The following ATP8A2 variants were observed in gnomAD, a reference collection of about 807,000 sequenced individuals.
ATP8A2 encodes phospholipid-transporting ATPase IB.
In ATP8A2, 100 loss-of-function variants were observed where a neutral mutation model predicts 165.6. The ratio of observed to expected loss-of-function variants is 0.60; its 90% CI spans 0.51 to 0.71. The LOEUF (loss-of-function observed/expected upper bound fraction) is 0.71, where lower values mean the gene tolerates loss of function less well. ATP8A2 is among the 30% of genes least tolerant of loss of function. The pLI, the probability that ATP8A2 is intolerant of heterozygous loss-of-function variation, is 0.00. For missense variants in ATP8A2, 1,227 were observed against 1,479.5 expected (o/e 0.83, Z 2.80); for synonymous variants, 543 against 548.8 (o/e 0.99, Z 0.15).
rs952663926 is a variant in ATP8A2, at chr13:25,372,750, G to T, written c.76+462G>T. Among the ~76,000 whole-genome samples the T allele has an allele frequency of 2.0e-5, 3 of 152,208 alleles. No homozygotes were observed. The highest frequency in any genetic ancestry group is 7.2e-5 in the African/African-American group (3 of 41,454). ...AAAGCAGAGGGGGAAAAAGGCATCC[G>T]AAGGGTCCCTCGAGTGATTCTCACC... is the stretch of plus-strand genomic sequence containing the variant. On this transcript the variant is annotated intron_variant, in intron 1 of 36. Transcript: ENST00000381655. This position sits in a 1 kb window ranked among gnomAD's most constrained non-coding sequence, Gnocchi z 4.8.
intron 30 of ATP8A2, among the ~76,000 whole-genome samples, chr13:25,845,085 C>T (rs893066825): frequency 3.9e-5 from 6 of 152,168 alleles, no homozygotes; most frequent in African/African-American, 1.4e-4. Flanking sequence ...ATAAATTTTT[C>T]CACTCAAGCA....
At chr13:25,378,147 C>G (rs1167010307) in intron 1 of ATP8A2, among the ~76,000 whole-genome samples, 1 of 151,952 alleles carries the variant, frequency 6.6e-6, no homozygotes, top group Non-Finnish European at 1.5e-5. Context: ...ATGAATGATG[C>G]TGGTCACTCC....
At chr13:25,749,228 C>G (rs2044102897) in intron 25 of ATP8A2, among the ~76,000 whole-genome samples, 1 of 152,142 alleles carries the variant, frequency 6.6e-6, no homozygotes, top group Non-Finnish European at 1.5e-5. Context: ...AGGAATCAGT[C>G]CTTCCAGGAA....
rs201275314 is a variant in ATP8A2, at chr13:25,580,930, G to GT, written c.2008-882dup. 9.3e-3 allele frequency among the ~76,000 whole-genome samples: 1,418 copies of GT among 151,994 alleles called. 25 individuals carry two copies. The highest frequency in any genetic ancestry group is 0.033 in the African/African-American group (1,364 of 41,438). ...ATTCTCCTCTGCTTTTTTTTACTCAGTTTTTTTGTTTAAGTTTTATATTCA... is the reference window on the plus strand; with the variant it reads ...ATTCTCCTCTGCTTTTTTTTACTCAGTTTTTTTTGTTTAAGTTTTATATTCA... On this transcript the variant is annotated intron_variant, in intron 22 of 36. Transcript: ENST00000381655.
intron 1 of ATP8A2, among the ~76,000 whole-genome samples, chr13:25,448,853 A>G (rs960790238): frequency 6.6e-6 from 1 of 152,018 alleles, no homozygotes; most frequent in African/African-American, 2.4e-5. Flanking sequence ...TTAGTAGAGA[A>G]GGGATTTCAC....
At chr13:25,638,866 G>C (rs1237626086) in intron 24 of ATP8A2, among the ~76,000 whole-genome samples, 1 of 152,098 alleles carries the variant, frequency 6.6e-6, no homozygotes, top group Non-Finnish European at 1.5e-5. Context: ...GAACGGTCGG[G>C]TTACCCACAA....
intron 33 of ATP8A2, among the ~76,000 whole-genome samples, chr13:25,939,367 T>C (rs753004173): frequency 2.6e-5 from 4 of 152,210 alleles, no homozygotes; most frequent in Non-Finnish European, 4.4e-5. Context: ...AAACATTTTT[T>C]AGTCAACTTA....
At chr13:25,943,431 T>C (rs1167790976) in intron 33 of ATP8A2, among the ~76,000 whole-genome samples, 1 of 152,212 alleles carries the variant, frequency 6.6e-6, no homozygotes, top group African/African-American at 2.4e-5. Context: ...GATGCATAGA[T>C]ACTTAGCATT....
intron 16 of ATP8A2, among the ~76,000 whole-genome samples, chr13:25,564,888 AGTCC>A (rs1362404136): frequency 6.6e-6 from 1 of 151,952 alleles, no homozygotes; most frequent in Non-Finnish European, 1.5e-5. Context: ...AAGTCCCCAA[AGTCC>A]GTTGTATCAT....
chr13:25,498,960 G>C (rs890312971), intron 2 of ATP8A2, among the ~76,000 whole-genome samples: 4 of 152,188 alleles, frequency 2.6e-5, no homozygotes, highest in Non-Finnish European at 5.9e-5. Flanking sequence ...ATACAGAGTA[G>C]TGCTAACGTG....
chr13:26,010,268 C>T (rs1956819013), intron 35 of ATP8A2, among the ~76,000 whole-genome samples: 1 of 152,152 alleles, frequency 6.6e-6, no homozygotes, highest in South Asian at 2.1e-4. Flanking sequence ...TCAATGATCC[C>T]TCCCATTTCT....
chr13:25,823,060 C>T (rs1248235563), intron 27 of ATP8A2, among the ~76,000 whole-genome samples: 3 of 152,132 alleles, frequency 2.0e-5, no homozygotes, highest in Non-Finnish European at 4.4e-5. Flanking sequence ...AAGCTGGGTC[C>T]GTACTTGGTG....
At chr13:25,715,706 G>A (rs2043241901) in intron 25 of ATP8A2, among the ~76,000 whole-genome samples, 1 of 152,112 alleles carries the variant, frequency 6.6e-6, no homozygotes, top group Non-Finnish European at 1.5e-5. Flanking sequence ...TCATCACTTG[G>A]CGGATAGTTA....
chr13:25,660,713 A>C (rs2042031805), intron 24 of ATP8A2, among the ~76,000 whole-genome samples: 1 of 152,182 alleles, frequency 6.6e-6, no homozygotes, highest in African/African-American at 2.4e-5. Context: ...CAAAGCTGGA[A>C]ATATTCCCTC....
chr13:25,564,127 G>C, intron 16 of ATP8A2, 96 bp downstream of exon 16: 2 of 886,622 alleles, frequency 2.3e-6, no homozygotes, highest in Admixed American at 1.8e-5. Flanking sequence ...CAGTTTTAGA[G>C]CATGGGAAAA....
chr13:25,393,404 A>G (rs2033315458), intron 1 of ATP8A2, among the ~76,000 whole-genome samples: 1 of 150,922 alleles, frequency 6.6e-6, no homozygotes, highest in South Asian at 2.1e-4. Flanking sequence ...CACCCAACCT[A>G]TTTACATACT....
At chr13:25,630,951 T>C (rs979347531) in intron 24 of ATP8A2, among the ~76,000 whole-genome samples, 2 of 152,186 alleles carry the variant, frequency 1.3e-5, no homozygotes, top group African/African-American at 4.8e-5. Flanking sequence ...TTCAAAGGCC[T>C]TTGGCTGTGC....
chr13:26,000,807 G>A (rs1161368144), intron 35 of ATP8A2, among the ~76,000 whole-genome samples: 1 of 151,968 alleles, frequency 6.6e-6, no homozygotes, highest in Non-Finnish European at 1.5e-5. Flanking sequence ...TGATAGGAGG[G>A]AACTGACCTT....
intron 2 of ATP8A2, among the ~76,000 whole-genome samples, chr13:25,511,906 T>A (rs2037238261): frequency 6.6e-6 from 1 of 150,600 alleles, no homozygotes; most frequent in Non-Finnish European, 1.5e-5. Flanking sequence ...TTTTTTTTTA[T>A]TGATCATTCT....
Sources: allele counts gnomAD v4.1 joint callset (sites outside exome capture counted in the v4.1 genomes callset), GRCh38; gene constraint gnomAD v4.1.1; non-coding constraint Gnocchi (gnomAD v3.1); transcripts MANE v1.5; gene names NCBI Gene and HGNC (gene_info 2026-07-23, HGNC 2026-07-21).